Variants in ST7 observed in about 807,000 individuals in gnomAD.
The protein encoded by ST7 is suppression of tumorigenicity 7.
Under a neutral mutation model 78.7 loss-of-function variants are expected in ST7, and 28 were observed. The observed-to-expected ratio is 0.36, with a 90% CI of 0.26 to 0.49. The LOEUF (loss-of-function observed/expected upper bound fraction) is 0.49, where lower values mean the gene tolerates loss of function less well. ST7 is among the 20% of genes least tolerant of loss of function. ST7 has a pLI of 0.99. For synonymous variants in ST7, 247 were observed against 249.6 expected (o/e 0.99, Z 0.10); for missense variants, 418 against 696.0 (o/e 0.60, Z 4.49).
intron 10 of ST7, chr7:117,182,619 T>C (rs931831919): frequency 6.6e-6 from 1 of 152,280 alleles, no homozygotes; most frequent in Middle Eastern, 3.4e-3. Context: ...GGGGGTATTG[T>C]TGACCACACA....
intron 1 of ST7, among the ~76,000 whole-genome samples, chr7:117,006,347 GACT>G (rs1260673330): frequency 1.3e-5 from 2 of 152,158 alleles, no homozygotes; most frequent in Admixed American, 1.3e-4. Flanking sequence ...AGTGTAGCAT[GACT>G]ACCTATTCTG....
At chr7:117,221,142 G>A (rs1006768389) in intron 14 of ST7, among the ~76,000 whole-genome samples, 5 of 152,192 alleles carry the variant, frequency 3.3e-5, no homozygotes, top group Admixed American at 6.6e-5. Context: ...AGAAGGAGGC[G>A]ATTCTCTTGA....
intron 9 of ST7, among the ~76,000 whole-genome samples, chr7:117,164,879 T>C (rs1207188681): frequency 6.6e-6 from 1 of 152,078 alleles, no homozygotes; most frequent in African/African-American, 2.4e-5. Context: ...GGAGCTCATC[T>C]GTAAAGTGAG....
chr7:117,192,795 G>A (rs968216438), intron 12 of ST7, among the ~76,000 whole-genome samples: 4 of 152,084 alleles, frequency 2.6e-5, no homozygotes, highest in African/African-American at 9.7e-5. Context: ...AATATTAAAA[G>A]CCCTAAGAAA....
intron 12 of ST7, among the ~76,000 whole-genome samples, chr7:117,200,393 C>T (rs1456987495): frequency 6.6e-6 from 1 of 152,156 alleles, no homozygotes; most frequent in Non-Finnish European, 1.5e-5. Context: ...CTCTGAGCAG[C>T]AGGGAGGGGG....
intron 9 of ST7, among the ~76,000 whole-genome samples, chr7:117,158,604 T>C (rs921012709): frequency 4.6e-5 from 7 of 152,214 alleles, no homozygotes; most frequent in African/African-American, 1.4e-4. Flanking sequence ...TACTTTTCAA[T>C]GGATGCAGCT....
At chr7:117,028,401 C>T (rs905511170) in intron 1 of ST7, among the ~76,000 whole-genome samples, 3 of 152,150 alleles carry the variant, frequency 2.0e-5, no homozygotes, top group Middle Eastern at 3.4e-3. Context: ...GTAGCAAGCC[C>T]GATTGTAAAG....
At chr7:117,147,021 A>G (rs1042628823) in intron 9 of ST7, among the ~76,000 whole-genome samples, 1 of 152,162 alleles carries the variant, frequency 6.6e-6, no homozygotes, top group African/African-American at 2.4e-5. Flanking sequence ...AACTGTGACT[A>G]TAACAGTCTT....
At chr7:117,075,169 C>T (rs1001448242) in intron 1 of ST7, among the ~76,000 whole-genome samples, 2 of 152,052 alleles carry the variant, frequency 1.3e-5, no homozygotes, top group African/African-American at 4.8e-5. Flanking sequence ...AAACATATTG[C>T]AAATCTATTA....
At chr7:117,209,661 T>A in intron 12 of ST7, 126 bp from the exon 13 acceptor site, 1 of 1,067,338 alleles carries the variant, frequency 9.4e-7, no homozygotes, top group East Asian at 2.6e-5. Context: ...AATGTAGTAA[T>A]GAGGTTGCAG....
chr7:116,985,796 C>T (rs947371230), intron 1 of ST7, among the ~76,000 whole-genome samples: 1 of 152,122 alleles, frequency 6.6e-6, no homozygotes, highest in Non-Finnish European at 1.5e-5. Flanking sequence ...GCTGACATAG[C>T]CAGTTTGGAA....
At chr7:117,169,560 C>T (rs1211370619) in intron 9 of ST7, among the ~76,000 whole-genome samples, 3 of 152,164 alleles carry the variant, frequency 2.0e-5, no homozygotes, top group Non-Finnish European at 4.4e-5. Flanking sequence ...TCTTCATCCT[C>T]ATCCAGTGTG....
At chr7:117,115,842 A>C (rs1038890556) in intron 2 of ST7, among the ~76,000 whole-genome samples, 1 of 152,186 alleles carries the variant, frequency 6.6e-6, no homozygotes, top group Non-Finnish European at 1.5e-5. Flanking sequence ...GTTGATTTAG[A>C]CAATCTCCTG....
intron 1 of ST7, among the ~76,000 whole-genome samples, chr7:116,997,457 C>T (rs1794719920): frequency 6.6e-6 from 1 of 152,154 alleles, no homozygotes; most frequent in East Asian, 1.9e-4. Context: ...AAAAGTTCTC[C>T]AAGTCCCCAC....
chr7:117,096,066 TCA>T (rs1801011594), intron 1 of ST7, among the ~76,000 whole-genome samples: 1 of 30,848 alleles, frequency 3.2e-5, no homozygotes, highest in Non-Finnish European at 5.7e-5. Flanking sequence ...AGATTCTGCC[TCA>T]AAAAAAAAAA....
At chr7:117,128,341 C>G (rs138400831) in intron 3 of ST7, 4 of 151,714 alleles carry the variant, frequency 2.6e-5, no homozygotes, top group African/African-American at 7.3e-5. Context: ...GTTAGTGATT[C>G]CTCTAAGGGG....
At chr7:117,047,747 A>C (rs1221618512) in intron 1 of ST7, among the ~76,000 whole-genome samples, 1 of 152,220 alleles carries the variant, frequency 6.6e-6, no homozygotes, top group Non-Finnish European at 1.5e-5. Flanking sequence ...CTCCATGCCA[A>C]ATTTTTATTC....
rs193150644 is a variant in ST7, at chr7:117,134,039, C to A, written c.642-85C>A. 33 of 1,556,758 alleles carry A rather than the reference C, an allele frequency of 2.1e-5. No homozygotes were observed. The Admixed American group carries it at 5.7e-4, about 27-fold the overall frequency. ...AGTCCACCTTCCCCTCTTTGATTAC[C>A]CTGAACTCCGAAATGACATAGTGAC... On this transcript the variant is annotated intron_variant, in intron 6 of 15. Transcript: ENST00000323984.
chr7:117,059,842 G>C (rs1033701143), intron 1 of ST7, among the ~76,000 whole-genome samples: 3 of 147,684 alleles, frequency 2.0e-5, no homozygotes, highest in Non-Finnish European at 4.4e-5. Context: ...AATTAGCTAC[G>C]TGTGGTAATG....
Sources: gnomAD v4.1 joint callset for allele counts (sites outside exome capture counted in the v4.1 genomes callset) on GRCh38, gnomAD v4.1.1 for gene constraint, MANE v1.5 for transcripts, NCBI Gene and HGNC (gene_info 2026-07-23, HGNC 2026-07-21) for gene names.